Variants in ANXA10 observed in about 807,000 individuals in gnomAD.
The protein encoded by ANXA10 is annexin 14.
In ANXA10, 49 loss-of-function variants were observed where a neutral mutation model predicts 53.5. That is an observed-to-expected ratio of 0.92 (90% confidence interval 0.73 to 1.16). The LOEUF is 1.16. Among genes scored for constraint, ANXA10 ranks in the 50% most tolerant of loss-of-function variants. The probability of loss-of-function intolerance (pLI) is 0.00; values close to 1 mark genes in which losing one functional copy is unlikely to be tolerated. For missense variants in ANXA10, 393 were observed against 394.4 expected (o/e 1.00, Z 0.03); for synonymous variants, 131 against 128.9 (o/e 1.02, Z -0.11).
intron 11 of ANXA10, among the ~76,000 whole-genome samples, chr4:168,185,668 A>C (rs1222481373): frequency 6.6e-6 from 1 of 152,226 alleles, no homozygotes; most frequent in Non-Finnish European, 1.5e-5. Context: ...GTGTTCAAAA[A>C]AGTTTCAAGA....
At chr4:168,117,614 A>G (rs758604933) in intron 1 of ANXA10, among the ~76,000 whole-genome samples, 3 of 152,164 alleles carry the variant, frequency 2.0e-5, no homozygotes, top group African/African-American at 4.8e-5. Flanking sequence ...AACAAAATCA[A>G]TTTTACCCAT....
chr4:168,140,298 T>G (rs534445401), intron 3 of ANXA10, among the ~76,000 whole-genome samples: 1 of 152,308 alleles, frequency 6.6e-6, no homozygotes, highest in East Asian at 1.9e-4. Flanking sequence ...TCATAAAACT[T>G]TCTCAGTAGA....
At chr4:168,152,670 C>G (rs1320248884) in intron 3 of ANXA10, among the ~76,000 whole-genome samples, 1 of 151,462 alleles carries the variant, frequency 6.6e-6, no homozygotes, top group African/African-American at 2.4e-5. Flanking sequence ...AGAAGGGAAA[C>G]TCGCTTGGAG....
At chr4:168,154,225 T>G (rs1167632185) in intron 3 of ANXA10, among the ~76,000 whole-genome samples, 1 of 152,178 alleles carries the variant, frequency 6.6e-6, no homozygotes, top group Non-Finnish European at 1.5e-5. Flanking sequence ...GTCTTCAGCT[T>G]GAACATTGCC....
chr4:168,112,332 A>C (rs1441920173), intron 1 of ANXA10, among the ~76,000 whole-genome samples: 1 of 152,136 alleles, frequency 6.6e-6, no homozygotes, highest in Non-Finnish European at 1.5e-5. Flanking sequence ...ACAACAAAAG[A>C]AAAGCCAGAT....
chr4:168,160,038 A>G (rs2319713), intron 3 of ANXA10, among the ~76,000 whole-genome samples: 88,651 of 151,234 alleles, frequency 0.59, 26,829 homozygotes, highest in African/African-American at 0.71. Context: ...TAAATTGAGT[A>G]TATATATATT....
chr4:168,111,564 A>T (rs953042967), intron 1 of ANXA10, among the ~76,000 whole-genome samples: 1 of 152,184 alleles, frequency 6.6e-6, no homozygotes, highest in Non-Finnish European at 1.5e-5. Context: ...CCAGGCTGCC[A>T]ATTAGTAAGC....
At position 168,108,013 on chromosome 4, in the gene ANXA10, G is replaced by A. The variant is rs144990559; in HGVS notation, c.18+15295G>A. ...AGAAATTTAAAATGTCTAATCTTGT[G>A]TCAAGGTAAAAATCATTCCCCTTTT... is the stretch of plus-strand genomic sequence containing the variant. On this transcript the variant is annotated intron_variant, in intron 1 of 11. Coordinates refer to ENST00000359299, the MANE Select transcript of ANXA10 (RefSeq NM_007193.5). 4.7e-4 allele frequency among the ~76,000 whole-genome samples: 72 copies of A among 152,280 alleles called. 1 individual carries two copies. In the East Asian group the frequency reaches 0.013, roughly 27 times the overall value.
At chr4:168,168,125 C>T (rs1033934533) in intron 6 of ANXA10, among the ~76,000 whole-genome samples, 4 of 152,126 alleles carry the variant, frequency 2.6e-5, no homozygotes, top group Admixed American at 2.0e-4. Flanking sequence ...CAGGTGCTAC[C>T]GATCAGAGTG....
intron 6 of ANXA10, among the ~76,000 whole-genome samples, chr4:168,170,524 G>A (rs1033676792): frequency 6.6e-6 from 1 of 152,132 alleles, no homozygotes; most frequent in Non-Finnish European, 1.5e-5. Context: ...TCCAAACCAT[G>A]ATTCAGGACC....
chr4:168,140,732 C>A (rs914127942), intron 3 of ANXA10, among the ~76,000 whole-genome samples: 1 of 152,090 alleles, frequency 6.6e-6, no homozygotes, highest in African/African-American at 2.4e-5. Context: ...GATGCCCCTG[C>A]CTCAGCCTCC....
intron 1 of ANXA10, among the ~76,000 whole-genome samples, chr4:168,101,059 C>A (rs1039458690): frequency 1.3e-5 from 2 of 151,860 alleles, no homozygotes; most frequent in African/African-American, 4.8e-5. Flanking sequence ...AAGGTGGGGC[C>A]TGGTGGGAGG....
At chr4:168,153,989 C>T (rs1365993524) in intron 3 of ANXA10, among the ~76,000 whole-genome samples, 1 of 151,028 alleles carries the variant, frequency 6.6e-6, no homozygotes, top group East Asian at 2.0e-4. Flanking sequence ...TATACACACA[C>T]ACACACACAC....
intron 3 of ANXA10, among the ~76,000 whole-genome samples, chr4:168,141,512 C>T (rs1270552289): frequency 2.2e-4 from 33 of 152,188 alleles, no homozygotes; most frequent in Non-Finnish European, 1.5e-5. Context: ...CCACTTTAAT[C>T]CTTGAGTGTT....
At chr4:168,129,713 G>A (rs1054648138) in intron 2 of ANXA10, among the ~76,000 whole-genome samples, 7 of 152,068 alleles carry the variant, frequency 4.6e-5, no homozygotes, top group African/African-American at 9.7e-5. Context: ...AAGCAAAAAC[G>A]TATTCTGAAA....
intron 3 of ANXA10, among the ~76,000 whole-genome samples, chr4:168,156,154 A>AAATATATTTAT (rs1454179103): frequency 1.1e-3 from 16 of 14,904 alleles, no homozygotes; most frequent in African/African-American, 6.1e-3. Context: ...AATAATATAT[A>AAATATATTTAT]TTATATATTA....
intron 3 of ANXA10, among the ~76,000 whole-genome samples, chr4:168,143,110 G>T (rs371533536): frequency 1.6e-4 from 25 of 152,020 alleles, no homozygotes; most frequent in East Asian, 1.4e-3. Context: ...TACACCAATT[G>T]CCTAGATTTC....
intron 3 of ANXA10, among the ~76,000 whole-genome samples, chr4:168,144,384 G>T (rs1360608900): frequency 6.6e-6 from 1 of 151,998 alleles, no homozygotes. Context: ...ATAGGGATTT[G>T]CCATGTTGGC....
chr4:168,146,863 G>A (rs2149473434), intron 3 of ANXA10, among the ~76,000 whole-genome samples: 1 of 152,330 alleles, frequency 6.6e-6, no homozygotes, highest in East Asian at 1.9e-4. Context: ...GTTTATCAAA[G>A]GGAACACTGT....
Sources: allele counts gnomAD v4.1 joint callset (sites outside exome capture counted in the v4.1 genomes callset), GRCh38; gene constraint gnomAD v4.1.1; transcripts MANE v1.5; gene names NCBI Gene and HGNC (gene_info 2026-07-23, HGNC 2026-07-21).